The following PDE3A variants were observed in gnomAD, a reference collection of about 807,000 sequenced individuals.
The protein encoded by PDE3A is phosphodiesterase 3A.
A neutral mutation model predicts 98.3 loss-of-function variants in PDE3A; 43 were observed. That is an observed-to-expected ratio of 0.44 (90% CI 0.34 to 0.56). The LOEUF is 0.56. Among genes scored for constraint, PDE3A ranks in the 20% least tolerant of loss-of-function variants. The probability of loss-of-function intolerance (pLI) is 0.01; values close to 1 mark genes in which losing one functional copy is unlikely to be tolerated. For missense variants in PDE3A, 1,427 were observed against 1,440.7 expected (o/e 0.99, Z 0.15); for synonymous variants, 663 against 567.9 (o/e 1.17, Z -2.38).
rs563262408 is a variant in PDE3A at position 20,477,944 on chromosome 12, G to A, written c.961-78716G>A. Among the ~76,000 whole-genome samples, 3 of 152,188 alleles carry A rather than the reference G, an allele frequency of 2.0e-5. No homozygotes were observed. The South Asian group carries it at 6.2e-4, about 32-fold the overall frequency. ...CAGAGTAAGCCATTCCTTCCAGATC[G>A]CATCTTCTGCCAGAAGCCACAAGTT... On this transcript the variant is annotated intron_variant, in intron 1 of 15. Coordinates refer to ENST00000359062, the MANE Select transcript of PDE3A (RefSeq NM_000921.5).
At chr12:20,581,698 C>T (rs1270239895) in intron 2 of PDE3A, among the ~76,000 whole-genome samples, 1 of 150,218 alleles carries the variant, frequency 6.7e-6, no homozygotes, top group African/African-American at 2.5e-5. Flanking sequence ...CTGCAAGCTC[C>T]GCCTCCCGGG....
Position 20,688,134 on chromosome 12 carries a change from A to G in PDE3A, c.*7863A>G, listed in dbSNP as rs1383014574. ...AACAATGTAATTCTTACCACTCTCG[A>G]CAGACCTGAATATGTTTACTAATAA... On this transcript the variant is annotated 3_prime_UTR_variant, in exon 16 of 16. Transcript: ENST00000359062. Among the ~76,000 whole-genome samples the G allele has an allele frequency of 6.6e-6, 1 of 151,990 alleles. No individual in the cohort carries two copies. The highest frequency in any genetic ancestry group is 1.9e-4 in the East Asian group (1 of 5,184).
chr12:20,456,553 A>C (rs893204662), intron 1 of PDE3A, among the ~76,000 whole-genome samples: 1 of 152,128 alleles, frequency 6.6e-6, no homozygotes, highest in African/African-American at 2.4e-5. Flanking sequence ...TTATAATAAC[A>C]GACCAGAGTT....
chr12:20,626,110 T>C (rs1325379297), intron 5 of PDE3A, among the ~76,000 whole-genome samples: 2 of 152,162 alleles, frequency 1.3e-5, no homozygotes, highest in Non-Finnish European at 2.9e-5. Context: ...ACTTTAGACA[T>C]GATTACATTG....
intron 2 of PDE3A, among the ~76,000 whole-genome samples, chr12:20,604,851 G>A (rs909636215): frequency 4.6e-5 from 7 of 152,106 alleles, no homozygotes; most frequent in African/African-American, 1.2e-4. Context: ...TCAGGTTGCC[G>A]TTCTTACTTA....
At chr12:20,516,137 G>T (rs1047994212) in intron 1 of PDE3A, among the ~76,000 whole-genome samples, 1 of 152,180 alleles carries the variant, frequency 6.6e-6, no homozygotes, top group East Asian at 1.9e-4. Context: ...AATGGGAGAA[G>T]TGATAATTAT....
At chr12:20,600,635 AC>A (rs2121406858) in intron 2 of PDE3A, among the ~76,000 whole-genome samples, 1 of 152,262 alleles carries the variant, frequency 6.6e-6, no homozygotes, top group Non-Finnish European at 1.5e-5. Flanking sequence ...TCATGTATGT[AC>A]CCAATTGTGG....
Position 20,681,896 on chromosome 12 carries a change from T to C in PDE3A, c.*1625T>C, listed in dbSNP as rs1437825146. 4 of 152,202 alleles carry C rather than the reference T, an allele frequency of 2.6e-5. No homozygotes were observed. Among genetic ancestry groups the C allele is most frequent in the African/African-American group, 2.4e-5 (1 of 41,458 alleles). The allele number at this position is 152,202 out of a possible 1,614,324, so 9.4% of individuals were successfully genotyped here. On this transcript the variant is annotated 3_prime_UTR_variant, in exon 16 of 16. Coordinates refer to ENST00000359062, the MANE Select transcript of PDE3A (RefSeq NM_000921.5). ...AAGATTTTTTTGTTTCTGTAGATAG[T>C]AAACTCTTTTTTTAAAAAAGGAAAA...
rs73232477 is a variant in PDE3A, at chr12:20,382,528, G to A, written c.960+12284G>A. Reference sequence around the variant, plus strand: ...TATCAATTTCCTCATCTGTAAAATAGGAATAGGAATATCAGCTTCACTACC... The same window carrying A: ...TATCAATTTCCTCATCTGTAAAATAAGAATAGGAATATCAGCTTCACTACC... On this transcript the variant is annotated intron_variant, in intron 1 of 15. Transcript: ENST00000359062. 3.4e-3 allele frequency among the ~76,000 whole-genome samples: 518 copies of A among 151,906 alleles called. 3 individuals carry two copies. Among genetic ancestry groups the A allele is most frequent in the African/African-American group, 0.012 (487 of 41,480 alleles).
chr12:20,448,159 G>T (rs1461257106), intron 1 of PDE3A, among the ~76,000 whole-genome samples: 1 of 152,192 alleles, frequency 6.6e-6, no homozygotes, highest in African/African-American at 2.4e-5. Flanking sequence ...CATTCTAGAA[G>T]AGGTGGTGGC....
At chr12:20,428,125 A>C (rs1051373569) in intron 1 of PDE3A, among the ~76,000 whole-genome samples, 3 of 152,190 alleles carry the variant, frequency 2.0e-5, no homozygotes, top group Admixed American at 6.5e-5. Context: ...AGAGCTGGTC[A>C]TAATCCCAAA....
intron 1 of PDE3A, among the ~76,000 whole-genome samples, chr12:20,404,808 A>C (rs1944201037): frequency 7.0e-6 from 1 of 142,780 alleles, no homozygotes; most frequent in Non-Finnish European, 1.5e-5. Flanking sequence ...GCCATTCCAC[A>C]CATGTGTAGG....
chr12:20,591,551 T>C (rs1243382622), intron 2 of PDE3A, among the ~76,000 whole-genome samples: 1 of 152,268 alleles, frequency 6.6e-6, no homozygotes, highest in Non-Finnish European at 1.5e-5. Context: ...TACAACCTTC[T>C]AATGCCGAAG....
At chr12:20,472,196 G>C (rs1945450842) in intron 1 of PDE3A, among the ~76,000 whole-genome samples, 1 of 152,130 alleles carries the variant, frequency 6.6e-6, no homozygotes, top group African/African-American at 2.4e-5. Context: ...TAGGACACTG[G>C]ATAGGAAAAG....
chr12:20,581,754 A>G (rs1458172868), intron 2 of PDE3A, among the ~76,000 whole-genome samples: 1 of 150,594 alleles, frequency 6.6e-6, no homozygotes, highest in Non-Finnish European at 1.5e-5. Context: ...CTGGGACTAC[A>G]GGCGCCCGCC....
intron 1 of PDE3A, among the ~76,000 whole-genome samples, chr12:20,455,512 C>T (rs1945139041): frequency 6.6e-6 from 1 of 152,076 alleles, no homozygotes; most frequent in Non-Finnish European, 1.5e-5. Context: ...GTGCTTGTAG[C>T]AGGATTCTGG....
At chr12:20,670,059 T>C (rs1226490246) in intron 15 of PDE3A, among the ~76,000 whole-genome samples, 1 of 149,746 alleles carries the variant, frequency 6.7e-6, no homozygotes, top group African/African-American at 2.5e-5. Flanking sequence ...TAGTCTCTGA[T>C]AAAACAGACT....
At chr12:20,400,639 C>A (rs1287888241) in intron 1 of PDE3A, among the ~76,000 whole-genome samples, 2 of 151,910 alleles carry the variant, frequency 1.3e-5, no homozygotes, top group Admixed American at 1.3e-4. Flanking sequence ...AAGATGGTCT[C>A]GATCTCCTGA....
chr12:20,616,136 A>T, intron 3 of PDE3A, 94 bp from the exon 4 acceptor site: 1 of 1,127,882 alleles, frequency 8.9e-7, no homozygotes, highest in Non-Finnish European at 1.2e-6. Context: ...TAGTCAATTC[A>T]CTTCTAATTA....
Sources: gnomAD v4.1 joint callset for allele counts (sites outside exome capture counted in the v4.1 genomes callset) on GRCh38, gnomAD v4.1.1 for gene constraint, MANE v1.5 for transcripts, NCBI Gene and HGNC (gene_info 2026-07-23, HGNC 2026-07-21) for gene names.